Variants in TTN observed in about 807,000 individuals in gnomAD.
TTN encodes titin.
A neutral mutation model predicts 3,223.0 loss-of-function variants in TTN; 1,525 were observed. The ratio of observed to expected loss-of-function variants is 0.47; its 90% CI spans 0.45 to 0.49. The LOEUF is 0.49. Ranked by LOEUF, TTN falls within the 20% of genes least tolerant of loss-of-function variation. The pLI, the probability that TTN is intolerant of heterozygous loss-of-function variation, is 0.00. For missense variants in TTN, 40,786 were observed against 43,424.0 expected (o/e 0.94, Z 5.40); for synonymous variants, 14,094 against 15,161.0 (o/e 0.93, Z 5.17).
In TTN at chr2:178,616,331, C is replaced by T. The variant is rs183935091; in HGVS notation, c.48312+148G>A. On this transcript the variant is annotated intron_variant, in intron 257 of 362. Transcript: ENST00000589042. ...TGAGCTACCTCAGGAAGCATTAGCA[C>T]CGATGCATTCTTAAAAAGTTTTTGT... is the stretch of plus-strand genomic sequence containing the variant. The T allele has an allele frequency of 8.1e-4, 805 of 997,690 alleles. 1 individual carries two copies. Among genetic ancestry groups the T allele is most frequent in the Middle Eastern group, 4.2e-3 (13 of 3,088 alleles). The allele number at this position is 997,690 out of a possible 1,614,324, so 61.8% of individuals were successfully genotyped here. A position where few individuals can be genotyped will look rare whatever the true frequency, so the allele number is the denominator to read the frequency against.
Position 178,678,819 on chromosome 2 carries a change from G to T in TTN, c.33754C>A (p.Pro11252Thr), listed in dbSNP as rs886055283. The T allele has an allele frequency of 1.0e-5, 16 of 1,593,358 alleles. No homozygotes were observed. The highest frequency in any genetic ancestry group is 1.4e-5 in the African/African-American group (1 of 73,382). Reference sequence around the variant, plus strand: ...TTCTCCTCTGGCACAGGTTTCTTGGGCACTTCAGGAACTTCAAAGATATCA... The same window carrying T: ...TTCTCCTCTGGCACAGGTTTCTTGGTCACTTCAGGAACTTCAAAGATATCA... Reference protein sequence around the residue: ...KPPPAKVPEVPKKPVPEEKVP... With the variant: ...KPPPAKVPEVTKKPVPEEKVP... Residue 11252 changes from proline (P) to threonine (T), a missense_variant, in exon 143 of 363, where the codon CCC (proline) becomes ACC (threonine). Transcript: ENST00000589042.
intron 121 of TTN, among the ~76,000 whole-genome samples, chr2:178,691,398 T>C (rs1358273197): frequency 6.6e-6 from 1 of 152,194 alleles, no homozygotes; most frequent in Non-Finnish European, 1.5e-5. Flanking sequence ...AACATACCTC[T>C]GTGAAAGGTA....
chr2:178,663,570 A>T, intron 171 of TTN, 54 bp from the exon 172 acceptor site: 1 of 1,613,670 alleles, frequency 6.2e-7, no homozygotes, highest in Non-Finnish European at 8.5e-7. Context: ...CACTAGAAAA[A>T]TATTTTCCAG....
In TTN at chr2:178,620,472, C is replaced by T; in HGVS notation, c.46049G>A (p.Arg15350Lys). 6.2e-7 allele frequency: 1 copy of T among 1,612,376 alleles called. No individual in the cohort carries two copies. The highest frequency in any genetic ancestry group is 8.5e-7 in the Non-Finnish European group (1 of 1,178,978). Residue 15350 changes from arginine to lysine, a missense_variant, in exon 248 of 363, where the codon AGA becomes AAA. Transcript: ENST00000589042. ...TAACATGTGCTTGTACTTATCAACT[C>T]TGTATGAGACACGGTTGTCAAAAGG... ...EVPFDNRVSY[R>K]VDKYKHMLTI...
In TTN at chr2:178,711,110, T is replaced by C; in HGVS notation, c.28126A>G (p.Thr9376Ala). The C allele has an allele frequency of 1.2e-6, 2 of 1,613,598 alleles. No individual in the cohort carries two copies. Among genetic ancestry groups the C allele is most frequent in the Admixed American group, 1.7e-5 (1 of 59,996 alleles). The change falls in exon 97 of 363, where the codon ACA becomes GCA. Residue 9376 changes from threonine to alanine, a missense_variant. Transcript: ENST00000589042. Reference protein sequence around the residue: ...SLAGQYSCTATNPIGSASSSA... With the variant: ...SLAGQYSCTAANPIGSASSSA... ...GAAGAAGCAGAGCCTATAGGGTTTG[T>C]AGCTGTGCAGGAATACTGGCCTGCA...
rs759443400 is a variant in TTN at position 178,677,187 on chromosome 2, T to C, written c.34378+14A>G. 2.0e-5 allele frequency: 24 copies of C among 1,222,180 alleles called. No individual in the cohort carries two copies. The highest frequency in any genetic ancestry group is 2.4e-5 in the Non-Finnish European group (24 of 981,718). The allele number at this position is 1,222,180 out of a possible 1,614,324, so 75.7% of individuals were successfully genotyped here. ...TATGGGTGAACAATGTGTATTCACT[T>C]TGGGGAGGTGTACCTTTGGGTGGTG... On this transcript the variant is annotated intron_variant, in intron 147 of 362. Transcript: ENST00000589042.
intron 147 of TTN, 57 bp from the exon 148 acceptor site, chr2:178,676,052 C>A (rs1257817691): frequency 1.3e-6 from 2 of 1,499,862 alleles, no homozygotes; most frequent in East Asian, 2.4e-5. Context: ...AAAAGAGAAA[C>A]CAAGAAGACC....
intron 6 of TTN, among the ~76,000 whole-genome samples, chr2:178,795,727 T>C (rs1419491940): frequency 6.6e-6 from 1 of 152,182 alleles, no homozygotes; most frequent in Non-Finnish European, 1.5e-5. Context: ...TAAGCCATTT[T>C]TTTTTTTCCC....
At position 178,615,389 on chromosome 2, in the gene TTN, G is replaced by T. The variant is rs377563403; in HGVS notation, c.48556C>A (p.Arg16186Ser). Residue 16186 changes from arginine to serine, a missense_variant, in exon 259 of 363, where the codon CGC (arginine) becomes AGC (serine). Coordinates refer to ENST00000589042, the MANE Select transcript of TTN (RefSeq NM_001267550.2). ...CTTTCAACTATATATCCTTTGATGC[G>T]TGAACCACCATCATTTTTAGGTGGA... is the stretch of plus-strand genomic sequence containing the variant. Reference protein sequence around the residue: ...WDPPKNDGGSRIKGYIVERCP... With the variant: ...WDPPKNDGGSSIKGYIVERCP... The T allele has an allele frequency of 1.9e-6, 3 of 1,612,392 alleles. No homozygotes were observed. Among genetic ancestry groups the T allele is most frequent in the African/African-American group, 2.7e-5 (2 of 74,758 alleles).
rs762233220 is a variant in TTN, at chr2:178,734,548, A to G, written c.15276T>C (p.Ala5092=). Residue 5092 remains alanine (A), a synonymous_variant, in exon 52 of 363, where the codon GCT becomes GCC. Transcript: ENST00000589042. ...TGCCTGAGACTTCACACTGAAGTAG[A>G]GCATTTGTTCCTCTCACTATGTCTG... ...EPADIVRGTN[A]LLQCEVSGTG... The G allele has an allele frequency of 3.1e-6, 5 of 1,607,832 alleles. 1 individual carries two copies. The South Asian group carries it at 4.4e-5, about 14-fold the overall frequency.
Position 178,731,455 on chromosome 2 carries a change from T to C in TTN, c.17311A>G (p.Thr5771Ala). ...VTWLKDSDEITEDDNIRMTFE... is the reference protein window; with the variant it reads ...VTWLKDSDEIAEDDNIRMTFE... ...GTCATTCTTATATTATCGTCTTCAG[T>C]GATTTCATCGCTGTCTTTTAGCCAA... The change falls in exon 59 of 363, where the codon ACT (threonine) becomes GCT (alanine). Residue 5771 changes from threonine (T) to alanine (A), a missense_variant. By Grantham distance (58) the Thr-to-Ala change is moderately conservative. Coordinates refer to ENST00000589042, the MANE Select transcript of TTN (RefSeq NM_001267550.2). 6.2e-7 allele frequency: 1 copy of C among 1,613,774 alleles called. No homozygotes were observed. Among genetic ancestry groups the C allele is most frequent in the East Asian group, 2.2e-5 (1 of 44,848 alleles).
intron 222 of TTN, 24 bp downstream of exon 222, chr2:178,640,024 G>T: frequency 6.2e-7 from 1 of 1,610,880 alleles, no homozygotes; most frequent in Non-Finnish European, 8.5e-7. Context: ...ATATGCTGTT[G>T]ACATTGAGGA....
Position 178,546,398 on chromosome 2 carries a change from G to A in TTN, c.94933C>T (p.Pro31645Ser), listed in dbSNP as rs770465865. The change falls in exon 342 of 363, where the codon CCC (proline) becomes TCC (serine). Residue 31645 changes from proline to serine, a missense_variant. Transcript: ENST00000589042. The stretch of plus-strand genomic sequence containing the variant: ...TCTCCTTTGGTCCAGATAATTTTGG[G>A]TTCAGGTTTGCCACCAACTGCAGCA... Reference protein sequence around the residue: ...LDAAVGGKPEPKIIWTKGDKE... With the variant: ...LDAAVGGKPESKIIWTKGDKE... The A allele has an allele frequency of 7.4e-6, 12 of 1,613,662 alleles. No homozygotes were observed. The highest frequency in any genetic ancestry group is 1.0e-5 in the Non-Finnish European group (12 of 1,179,732).
In TTN at chr2:178,707,081, T is replaced by C. The variant is rs999085177; in HGVS notation, c.29042-127A>G. On this transcript the variant is annotated intron_variant, in intron 100 of 362. Coordinates refer to ENST00000589042, the MANE Select transcript of TTN (RefSeq NM_001267550.2). ...TAAGTACTGCAGAATTCTCTTTCTA[T>C]GTAAGGGTGGGTTACAGAAGATAAA... The C allele has an allele frequency of 2.3e-5, 18 of 777,208 alleles. 1 individual carries two copies. Among genetic ancestry groups the C allele is most frequent in the Middle Eastern group, 3.5e-4 (1 of 2,882 alleles). The allele number at this position is 777,208 out of a possible 1,614,324, so 48.1% of individuals were successfully genotyped here. A position where few individuals can be genotyped will look rare whatever the true frequency, so the allele number is the denominator to read the frequency against.
At position 178,548,783 on chromosome 2, in the gene TTN, G is replaced by A; in HGVS notation, c.92843C>T (p.Ala30948Val). Reference protein sequence around the residue: ...RAGASIRLFIAYQGRPTPTAV... With the variant: ...RAGASIRLFIVYQGRPTPTAV... ...TGTAGGAGTAGGTCTACCTTGGTAG[G>A]CAATGAAGAGGCGAATACTGGCCCC... Residue 30948 changes from alanine (A) to valine (V), a missense_variant, in exon 339 of 363, where the codon GCC (alanine) becomes GTC (valine). Transcript: ENST00000589042. This position sits in a 1 kb window ranked among gnomAD's most constrained non-coding sequence, Gnocchi z 4.3. 1 of 1,612,946 alleles carries A rather than the reference G, an allele frequency of 6.2e-7. No individual in the cohort carries two copies. Among genetic ancestry groups the A allele is most frequent in the Non-Finnish European group, 8.5e-7 (1 of 1,179,784 alleles).
chr2:178,693,190 T>A (rs1366892729), intron 119 of TTN, among the ~76,000 whole-genome samples: 2 of 152,088 alleles, frequency 1.3e-5, no homozygotes, highest in South Asian at 4.1e-4. Flanking sequence ...TGCAGTAAAA[T>A]AGGAGTTTTG....
rs2075131070 is a variant in TTN, at chr2:178,702,213, T to C, written c.30466A>G (p.Arg10156Gly). 1 of 1,613,906 alleles carries C rather than the reference T, an allele frequency of 6.2e-7. No individual in the cohort carries two copies. The highest frequency in any genetic ancestry group is 1.7e-5 in the Admixed American group (1 of 60,008). ...VYSVIARLEP[R>G]GEARSTAELY... ...TCTGCCGTGCTTCTTGCTTCACCTC[T>C]TGGCTCCAGCCGAGCGATGACCGAG... Residue 10156 changes from arginine (R) to glycine (G), a missense_variant, in exon 108 of 363, where the codon AGA becomes GGA. Physicochemically the swap from Arg to Gly is moderately radical, Grantham distance 125. Coordinates refer to ENST00000589042, the MANE Select transcript of TTN (RefSeq NM_001267550.2).
At position 178,773,676 on chromosome 2, in the gene TTN, G is replaced by T; in HGVS notation, c.7380C>A (p.Thr2460=). ...PLKDVNVIEG[T]KAVLECKVSV... Reference sequence around the variant, plus strand: ...ACACCTTACATTCAAGCACAGCCTTGGTGCCTTCAATCACATTAACATCTT... The same window carrying T: ...ACACCTTACATTCAAGCACAGCCTTTGTGCCTTCAATCACATTAACATCTT... The change falls in exon 32 of 363, where the codon ACC becomes ACA. Residue 2460 remains threonine, a synonymous_variant. Coordinates refer to ENST00000589042, the MANE Select transcript of TTN (RefSeq NM_001267550.2). 6.2e-7 allele frequency: 1 copy of T among 1,613,998 alleles called. No homozygotes were observed. The highest frequency in any genetic ancestry group is 8.5e-7 in the Non-Finnish European group (1 of 1,179,964).
Position 178,665,795 on chromosome 2 carries a change from T to C in TTN, c.35876-4A>G, listed in dbSNP as rs1011538929. The C allele has an allele frequency of 2.3e-6, 3 of 1,282,070 alleles. No individual in the cohort carries two copies. The highest frequency in any genetic ancestry group is 3.0e-6 in the Non-Finnish European group (3 of 1,016,462). 79.4% of individuals were successfully genotyped at this position (1,282,070 alleles called of 1,614,324 possible). ...ATTTCTCGAGGTGATTCAGGCACTTTAAAGATATGAATGCATTGTACTTTG... is the reference window on the plus strand; with the variant it reads ...ATTTCTCGAGGTGATTCAGGCACTTCAAAGATATGAATGCATTGTACTTTG... On this transcript the variant is annotated splice_region_variant and splice_polypyrimidine_tract_variant and intron_variant, in intron 163 of 362. Coordinates refer to ENST00000589042, the MANE Select transcript of TTN (RefSeq NM_001267550.2).
Sources: allele counts gnomAD v4.1 joint callset (sites outside exome capture counted in the v4.1 genomes callset), GRCh38; gene constraint gnomAD v4.1.1; non-coding constraint Gnocchi (gnomAD v3.1); transcripts MANE v1.5; gene names NCBI Gene and HGNC (gene_info 2026-07-23, HGNC 2026-07-21).